The following ESR1 variants were observed in gnomAD, a reference collection of about 807,000 sequenced individuals.
ESR1 encodes the protein estrogen receptor.
In ESR1, 12 loss-of-function variants were observed where a neutral mutation model predicts 52.7. That is an observed-to-expected ratio of 0.23 (90% CI 0.15 to 0.37). The LOEUF is 0.37. Ranked by LOEUF, ESR1 falls within the 10% of genes least tolerant of loss-of-function variation. The pLI is 1.00. For missense variants in ESR1, 584 were observed against 779.7 expected (o/e 0.75, Z 2.99); for synonymous variants, 305 against 316.8 (o/e 0.96, Z 0.39).
At chr6:151,816,256 A>G (rs931476051) in intron 1 of ESR1, among the ~76,000 whole-genome samples, 1 of 152,210 alleles carries the variant, frequency 6.6e-6, no homozygotes, top group Non-Finnish European at 1.5e-5. Context: ...TTTATAGAAC[A>G]TGAGTACCAT....
At chr6:151,731,421 T>C (rs1782233745) in intron 2 of ESR1, among the ~76,000 whole-genome samples, 1 of 151,992 alleles carries the variant, frequency 6.6e-6, no homozygotes. Context: ...TTTAATTCTT[T>C]GGAAGAACTG....
intron 5 of ESR1, among the ~76,000 whole-genome samples, chr6:152,058,828 GAGA>G (rs1355101153): frequency 2.6e-5 from 4 of 152,196 alleles, no homozygotes; most frequent in South Asian, 2.1e-4. Context: ...ATTAAAGACA[GAGA>G]AGAAGATCTT....
chr6:152,111,176 G>C (rs2051128146), intron 6 of ESR1, among the ~76,000 whole-genome samples: 1 of 152,166 alleles, frequency 6.6e-6, no homozygotes, highest in Non-Finnish European at 1.5e-5. Context: ...ACAGCCCACA[G>C]TGAAAGCACT....
chr6:151,769,157 G>T (rs954852301), intron 2 of ESR1, among the ~76,000 whole-genome samples: 4 of 152,182 alleles, frequency 2.6e-5, no homozygotes, highest in African/African-American at 9.7e-5. Flanking sequence ...GTTTCACCAA[G>T]ACATTATCGG....
intron 4 of ESR1, among the ~76,000 whole-genome samples, chr6:151,946,398 G>T (rs1406470026): frequency 6.6e-6 from 1 of 152,124 alleles, no homozygotes; most frequent in Non-Finnish European, 1.5e-5. Flanking sequence ...CTGGAATTAA[G>T]CTCAAATACA....
At chr6:151,726,645 A>T (rs774357331) in intron 2 of ESR1, among the ~76,000 whole-genome samples, 9 of 152,190 alleles carry the variant, frequency 5.9e-5, no homozygotes, top group Non-Finnish European at 8.8e-5. Flanking sequence ...CAAGAGTTTT[A>T]AAAAAATTTC....
chr6:151,703,654 A>G (rs887666754), intron 2 of ESR1, among the ~76,000 whole-genome samples: 3 of 152,194 alleles, frequency 2.0e-5, no homozygotes, highest in Non-Finnish European at 4.4e-5. Context: ...GGGGGAAAAA[A>G]GATTTTAATA....
intron 6 of ESR1, among the ~76,000 whole-genome samples, chr6:152,109,503 C>CA (rs1337555455): frequency 1.8e-3 from 249 of 137,820 alleles, no homozygotes; most frequent in Admixed American, 3.6e-3. Flanking sequence ...CCGTCTCTAC[C>CA]AAAAAAAAAA....
chr6:152,030,388 A>G (rs6911712), intron 5 of ESR1, among the ~76,000 whole-genome samples: 66,425 of 151,466 alleles, frequency 0.44, 16,493 homozygotes, highest in African/African-American at 0.67. Context: ...GTATTCAGGA[A>G]ACCCATCTCA....
At chr6:151,802,106 C>A (rs1777308867), upstream of ESR1, among the ~76,000 whole-genome samples, 1 of 152,148 alleles carries the variant, frequency 6.6e-6, no homozygotes. Context: ...CTGTCAAATT[C>A]ATCAAATGGT....
At chr6:151,721,232 G>A (rs965886943) in intron 2 of ESR1, among the ~76,000 whole-genome samples, 2 of 152,184 alleles carry the variant, frequency 1.3e-5, no homozygotes, top group African/African-American at 4.8e-5. Flanking sequence ...CTTCAGGAAA[G>A]AGGCAACAAG....
chr6:151,971,679 G>T (rs2038927917), intron 4 of ESR1, among the ~76,000 whole-genome samples: 1 of 152,048 alleles, frequency 6.6e-6, no homozygotes, highest in Admixed American at 6.6e-5. Flanking sequence ...AAAGTTCATA[G>T]CATTAAATAC....
At chr6:151,926,588 T>A (rs902101833) in intron 3 of ESR1, among the ~76,000 whole-genome samples, 2 of 152,156 alleles carry the variant, frequency 1.3e-5, no homozygotes, top group African/African-American at 4.8e-5. Context: ...TTAATTTATA[T>A]CTTAGTATTG....
intron 1 of ESR1, among the ~76,000 whole-genome samples, chr6:151,683,931 C>T (rs1486309090): frequency 2.9e-5 from 4 of 138,552 alleles, no homozygotes; most frequent in African/African-American, 5.6e-5. Flanking sequence ...AGGCTGGTTT[C>T]GAACTCCTGA....
upstream of ESR1, among the ~76,000 whole-genome samples, chr6:151,689,680 C>T (rs375192774): frequency 6.6e-6 from 1 of 152,120 alleles, no homozygotes; most frequent in Non-Finnish European, 1.5e-5. Context: ...GAGAGAAATA[C>T]AGTAGCAAGA....
chr6:151,922,503 C>T (rs928545917), intron 3 of ESR1, among the ~76,000 whole-genome samples: 2 of 152,178 alleles, frequency 1.3e-5, no homozygotes, highest in Non-Finnish European at 2.9e-5. Context: ...CAGTCCAATA[C>T]TATTTTATTT....
chr6:151,749,738 T>A (rs1338277518), intron 2 of ESR1, among the ~76,000 whole-genome samples: 9 of 152,142 alleles, frequency 5.9e-5, no homozygotes, highest in Non-Finnish European at 1.2e-4. Context: ...GGGTCCCCAG[T>A]CTGGGAGGCT....
chr6:151,776,606 G>A (rs1786017268), intron 2 of ESR1, among the ~76,000 whole-genome samples: 1 of 152,226 alleles, frequency 6.6e-6, no homozygotes. Context: ...GGGAGACCAA[G>A]GCAGGAGGAT....
chr6:152,022,891 C>A (rs2043801876), intron 5 of ESR1, among the ~76,000 whole-genome samples: 1 of 151,464 alleles, frequency 6.6e-6, no homozygotes, highest in Admixed American at 6.6e-5. Flanking sequence ...GCAGGAGAAT[C>A]ACTTGAACCT....
Sources: allele counts gnomAD v4.1 joint callset (sites outside exome capture counted in the v4.1 genomes callset), GRCh38; gene constraint gnomAD v4.1.1; transcripts MANE v1.5; gene names NCBI Gene and HGNC (gene_info 2026-07-23, HGNC 2026-07-21).